Variants in MTUS2 observed in about 807,000 individuals in gnomAD.
The protein encoded by MTUS2 is microtubule-associated tumor suppressor candidate 2.
Under a neutral mutation model 114.1 loss-of-function variants are expected in MTUS2, and 40 were observed. That is an observed-to-expected ratio of 0.35 (90% CI 0.27 to 0.46). MTUS2 has a LOEUF of 0.46. Among genes scored for constraint, MTUS2 ranks in the 20% least tolerant of loss-of-function variants. The pLI, the probability that MTUS2 is intolerant of heterozygous loss-of-function variation, is 1.00. For missense variants in MTUS2, 1,679 were observed against 1,705.4 expected (o/e 0.98, Z 0.27); for synonymous variants, 688 against 672.0 (o/e 1.02, Z -0.37).
intron 1 of MTUS2, among the ~76,000 whole-genome samples, chr13:28,828,293 ATCC>A (rs1328949209): frequency 6.6e-6 from 1 of 152,230 alleles, no homozygotes; most frequent in Non-Finnish European, 1.5e-5. Context: ...CATTGCTGTT[ATCC>A]TGTTCTTTTT....
intron 2 of MTUS2, among the ~76,000 whole-genome samples, chr13:29,021,320 G>T (rs1343690663): frequency 1.3e-5 from 2 of 152,186 alleles, no homozygotes; most frequent in African/African-American, 2.4e-5. Context: ...CCCCTAGGAG[G>T]TTCCACCTTT....
At position 29,324,617 on chromosome 13, in the gene MTUS2, A is replaced by G. The variant is rs756423266; in HGVS notation, c.2811A>G (p.Thr937=). 5.7e-6 allele frequency: 9 copies of G among 1,578,320 alleles called. No homozygotes were observed. In the African/African-American group the frequency reaches 9.4e-5, roughly 17 times the overall value. ...CTCTTTTCCAACTATACACAGGAACAAAGAAAGATGCTCAGAAAGATCAAG... is the reference window on the plus strand; with the variant it reads ...CTCTTTTCCAACTATACACAGGAACGAAGAAAGATGCTCAGAAAGATCAAG... The part of the protein sequence containing the change: ...APKSTSTPAG[T]KKDAQKDQDT... Residue 937 remains threonine (T), a synonymous_variant, in exon 7 of 16, where the codon ACA becomes ACG. Transcript: ENST00000612955.
intron 5 of MTUS2, among the ~76,000 whole-genome samples, chr13:29,277,888 GA>G (rs1898124819): frequency 6.6e-6 from 1 of 152,200 alleles, no homozygotes; most frequent in South Asian, 2.1e-4. Flanking sequence ...TTCATCCAAG[GA>G]GAGCATGCAA....
chr13:29,320,413 T>G (rs955473406), intron 6 of MTUS2, among the ~76,000 whole-genome samples: 1 of 152,224 alleles, frequency 6.6e-6, no homozygotes, highest in Non-Finnish European at 1.5e-5. Context: ...TGTCTGAAAC[T>G]GCTAAGTGAT....
intron 6 of MTUS2, among the ~76,000 whole-genome samples, chr13:29,297,495 C>T (rs554407002): frequency 6.6e-6 from 1 of 152,296 alleles, no homozygotes; most frequent in South Asian, 2.1e-4. Flanking sequence ...AGGAATCAAC[C>T]TAAGCCTGTT....
chr13:29,111,383 T>A (rs1890877608), intron 5 of MTUS2, among the ~76,000 whole-genome samples: 1 of 152,234 alleles, frequency 6.6e-6, no homozygotes, highest in African/African-American at 2.4e-5. Flanking sequence ...GGGAGTTATT[T>A]TCTTGCTCTT....
chr13:29,302,224 G>A (rs369863684), intron 6 of MTUS2, among the ~76,000 whole-genome samples: 38 of 152,212 alleles, frequency 2.5e-4, no homozygotes, highest in African/African-American at 8.9e-4. Context: ...AAAAGCTGGG[G>A]CTGCTGACAG....
chr13:29,330,596 G>C (rs942641858), intron 7 of MTUS2, among the ~76,000 whole-genome samples: 1 of 152,086 alleles, frequency 6.6e-6, no homozygotes, highest in Admixed American at 6.5e-5. Flanking sequence ...AATCCATCTT[G>C]AGTTAATATT....
chr13:29,187,358 G>A (rs1162659054), intron 5 of MTUS2, among the ~76,000 whole-genome samples: 1 of 152,068 alleles, frequency 6.6e-6, no homozygotes, highest in Non-Finnish European at 1.5e-5. Flanking sequence ...TAGCTTGACA[G>A]ACCAAGAGAA....
At chr13:28,995,917 G>C (rs1291379487) in intron 2 of MTUS2, among the ~76,000 whole-genome samples, 2 of 152,154 alleles carry the variant, frequency 1.3e-5, no homozygotes, top group Admixed American at 6.5e-5. Context: ...GCCCTGGCCA[G>C]AACTTCCAAC....
intron 5 of MTUS2, among the ~76,000 whole-genome samples, chr13:29,199,253 T>C (rs1040505199): frequency 3.3e-5 from 5 of 152,168 alleles, no homozygotes; most frequent in African/African-American, 1.2e-4. Flanking sequence ...AGAGAGGGGA[T>C]CTTTGTCTTG....
At chr13:29,160,726 G>A (rs1002074268) in intron 5 of MTUS2, among the ~76,000 whole-genome samples, 6 of 151,758 alleles carry the variant, frequency 4.0e-5, no homozygotes, top group African/African-American at 1.5e-4. Context: ...GCTGAGACTG[G>A]GCCACTGTAC....
intron 1 of MTUS2, among the ~76,000 whole-genome samples, chr13:28,827,537 T>TA (rs1874347532): frequency 6.6e-6 from 1 of 152,226 alleles, no homozygotes; most frequent in Non-Finnish European, 1.5e-5. Flanking sequence ...TATCTCAGTT[T>TA]AGAGAATAAC....
At chr13:29,425,288 C>T (rs1876427742) in intron 8 of MTUS2, among the ~76,000 whole-genome samples, 1 of 152,094 alleles carries the variant, frequency 6.6e-6, no homozygotes, top group African/African-American at 2.4e-5. Flanking sequence ...TGGCACGCAC[C>T]TGTAATCCCA....
chr13:29,310,769 T>G (rs1899717961), intron 6 of MTUS2, among the ~76,000 whole-genome samples: 1 of 152,216 alleles, frequency 6.6e-6, no homozygotes, highest in Non-Finnish European at 1.5e-5. Flanking sequence ...TGGGGAACTC[T>G]CATACAGTGC....
At chr13:29,422,648 C>CTTTTCTTTTTTTT (rs1876201234) in intron 8 of MTUS2, among the ~76,000 whole-genome samples, 1 of 67,978 alleles carries the variant, frequency 1.5e-5, no homozygotes, top group African/African-American at 5.8e-5. Context: ...GATTTCTTTT[C>CTTTTCTTTTTTTT]TTTTTTTTTT....
chr13:29,320,427 T>C (rs1900205795), intron 6 of MTUS2, among the ~76,000 whole-genome samples: 1 of 152,176 alleles, frequency 6.6e-6, no homozygotes, highest in Non-Finnish European at 1.5e-5. Flanking sequence ...AAGTGATAAT[T>C]TGTTACAGTG....
chr13:29,182,469 C>T (rs1453892884), intron 5 of MTUS2, among the ~76,000 whole-genome samples: 1 of 152,184 alleles, frequency 6.6e-6, no homozygotes, highest in African/African-American at 2.4e-5. Flanking sequence ...CCAGACCATC[C>T]CTGGCAGAAT....
chr13:29,337,231 G>A (rs944472662), intron 7 of MTUS2, among the ~76,000 whole-genome samples: 4 of 151,866 alleles, frequency 2.6e-5, no homozygotes, highest in African/African-American at 7.3e-5. Context: ...GTGTCTACCC[G>A]AATGGCCACC....
Sources: allele counts gnomAD v4.1 joint callset (sites outside exome capture counted in the v4.1 genomes callset), GRCh38; gene constraint gnomAD v4.1.1; transcripts MANE v1.5; gene names NCBI Gene and HGNC (gene_info 2026-07-23, HGNC 2026-07-21).